Variants in ZNF385D observed in about 807,000 individuals in gnomAD.
ZNF385D encodes zinc finger protein 385D.
A neutral mutation model predicts 35.8 loss-of-function variants in ZNF385D; 15 were observed. The observed-to-expected ratio is 0.42, with a 90% CI of 0.28 to 0.64. The LOEUF is 0.64. ZNF385D is among the 30% of genes least tolerant of loss of function. ZNF385D has a pLI of 0.23. For synonymous variants in ZNF385D, 212 were observed against 186.8 expected (o/e 1.13, Z -1.10); for missense variants, 474 against 494.6 (o/e 0.96, Z 0.39).
intron 3 of ZNF385D, chr3:21,542,870 C>T (rs2062225531): frequency 6.6e-6 from 1 of 152,304 alleles, no homozygotes; most frequent in African/African-American, 2.4e-5. Context: ...CTGCTTTATT[C>T]ACCCTTTAAA....
At chr3:22,326,398 G>C (rs1042250691) in intron 2 of ZNF385D, among the ~76,000 whole-genome samples, 1 of 152,186 alleles carries the variant, frequency 6.6e-6, no homozygotes, top group African/African-American at 2.4e-5. Context: ...TGGGGTGGGA[G>C]TGTGAGCCAG....
intron 3 of ZNF385D, among the ~76,000 whole-genome samples, chr3:21,905,216 A>AAAAC (rs1451297105): frequency 1.3e-5 from 2 of 149,452 alleles, no homozygotes; most frequent in Non-Finnish European, 3.0e-5. Context: ...AAAAAAAAAA[A>AAAAC]AAAAAAAAAA....
rs570902224 is a variant in ZNF385D at position 21,760,451 on chromosome 3, A to G, written c.326-95423T>C. On this transcript the variant is annotated intron_variant, in intron 3 of 5. Coordinates refer to the ZNF385D transcript ENST00000494108. ...AAGTATCTTCAAAAGGTAAACAAAGATTCACCTTTGTGGTAGTGAACTTTT... is the reference window on the plus strand; with the variant it reads ...AAGTATCTTCAAAAGGTAAACAAAGGTTCACCTTTGTGGTAGTGAACTTTT... Among the ~76,000 whole-genome samples, 737 of 152,314 alleles carry G rather than the reference A, an allele frequency of 4.8e-3. 7 individuals carry two copies. The highest frequency in any genetic ancestry group is 3.5e-3 in the Non-Finnish European group (239 of 68,024).
intron 3 of ZNF385D, among the ~76,000 whole-genome samples, chr3:21,935,342 T>C (rs552326839): frequency 1.1e-4 from 16 of 152,068 alleles, no homozygotes; most frequent in African/African-American, 3.8e-4. Context: ...CAAAAAACAC[T>C]GTGGTACGTG....
intron 3 of ZNF385D, among the ~76,000 whole-genome samples, chr3:22,139,336 T>C (rs1054347163): frequency 3.3e-5 from 5 of 152,180 alleles, no homozygotes; most frequent in African/African-American, 9.7e-5. Flanking sequence ...TGCGGCAGTA[T>C]TCACAATAGC....
intron 3 of ZNF385D, among the ~76,000 whole-genome samples, chr3:22,076,349 G>C (rs183072856): frequency 6.6e-6 from 1 of 151,786 alleles, no homozygotes; most frequent in Non-Finnish European, 1.5e-5. Flanking sequence ...AGTCTCTCTG[G>C]TTTTCTTTCA....
intron 3 of ZNF385D, among the ~76,000 whole-genome samples, chr3:22,104,070 G>A (rs773442856): frequency 4.0e-5 from 6 of 151,898 alleles, no homozygotes; most frequent in Non-Finnish European, 5.9e-5. Flanking sequence ...AGTGAGGGAC[G>A]TATGTGAGAA....
intron 2 of ZNF385D, among the ~76,000 whole-genome samples, chr3:22,230,746 C>T (rs185355664): frequency 0.014 from 2,160 of 152,160 alleles, 31 homozygotes; most frequent in Non-Finnish European, 0.019. Context: ...TCATAAAATC[C>T]AGAAAAGTTT....
At chr3:21,732,225 T>C (rs1029533634) in intron 1 of ZNF385D, among the ~76,000 whole-genome samples, 3 of 151,832 alleles carry the variant, frequency 2.0e-5, no homozygotes, top group African/African-American at 4.8e-5. Context: ...AATTTTTTTG[T>C]ATTTTTAGTA....
rs138464752 is a variant in ZNF385D at position 21,886,725 on chromosome 3, G to T, written c.326-221697C>A. Among the ~76,000 whole-genome samples the T allele has an allele frequency of 2.0e-5, 3 of 152,234 alleles. No homozygotes were observed. In the East Asian group the frequency reaches 5.8e-4, roughly 29 times the overall value. On this transcript the variant is annotated intron_variant, in intron 3 of 5. Transcript: ENST00000494108. ...TAGCATCTAGTCAACATTTGCCAAA[G>T]AGAATTATAAGCTGATGGGATTTGA...
At chr3:21,889,923 T>C (rs946481386) in intron 3 of ZNF385D, among the ~76,000 whole-genome samples, 20 of 152,096 alleles carry the variant, frequency 1.3e-4, no homozygotes, top group Non-Finnish European at 2.6e-4. Flanking sequence ...AAGTCCAATC[T>C]TCACATAGCA....
At chr3:21,555,399 G>A (rs548657651) in intron 3 of ZNF385D, among the ~76,000 whole-genome samples, 1 of 152,124 alleles carries the variant, frequency 6.6e-6, no homozygotes, top group African/African-American at 2.4e-5. Flanking sequence ...CCTGGTGTGT[G>A]ATGTTCCCTT....
chr3:21,624,385 A>AT (rs1177685545), intron 2 of ZNF385D, among the ~76,000 whole-genome samples: 1 of 151,958 alleles, frequency 6.6e-6, no homozygotes, highest in Non-Finnish European at 1.5e-5. Flanking sequence ...GAAGGAAGTA[A>AT]TTTTTTTCCC....
chr3:21,820,913 A>T (rs2073368098), intron 3 of ZNF385D, among the ~76,000 whole-genome samples: 1 of 151,918 alleles, frequency 6.6e-6, no homozygotes, highest in South Asian at 2.1e-4. Context: ...GATTAAAAAA[A>T]AGAAAACAAA....
At chr3:22,174,578 C>A (rs35844155) in intron 2 of ZNF385D, among the ~76,000 whole-genome samples, 5,687 of 152,158 alleles carry the variant, frequency 0.037, 132 homozygotes, top group Middle Eastern at 0.068. Flanking sequence ...ATCTAGAAGA[C>A]ATTTAGCACA....
chr3:21,756,565 T>C (rs1171653037), intron 3 of ZNF385D, among the ~76,000 whole-genome samples: 1 of 152,140 alleles, frequency 6.6e-6, no homozygotes, highest in Non-Finnish European at 1.5e-5. Context: ...TAAATGATAA[T>C]AAAATCCATG....
rs1224149788 is a variant in ZNF385D, at chr3:21,652,127, A to T, written c.165+12759T>A. Among the ~76,000 whole-genome samples, 3 of 152,230 alleles carry T rather than the reference A, an allele frequency of 2.0e-5. No individual in the cohort carries two copies. In the South Asian group the frequency reaches 6.2e-4, roughly 31 times the overall value. ...TAAAGTAAATTATAATGTCTTTAAT[A>T]GGTAAATTTAAATTGAATTTCAGGA... On this transcript the variant is annotated intron_variant, in intron 2 of 7. Coordinates refer to ENST00000281523, the MANE Select transcript of ZNF385D (RefSeq NM_024697.3).
chr3:21,834,054 C>A (rs1695169557), intron 3 of ZNF385D, among the ~76,000 whole-genome samples: 2 of 151,842 alleles, frequency 1.3e-5, no homozygotes, highest in South Asian at 4.1e-4. Flanking sequence ...ATATATGTGA[C>A]CTTTGATAGT....
intron 3 of ZNF385D, among the ~76,000 whole-genome samples, chr3:21,909,683 T>C (rs1165455614): frequency 6.6e-6 from 1 of 151,892 alleles, no homozygotes. Flanking sequence ...TTGGTAGACA[T>C]TACAGAGGAG....
Sources: allele counts gnomAD v4.1 joint callset (sites outside exome capture counted in the v4.1 genomes callset), GRCh38; gene constraint gnomAD v4.1.1; transcripts MANE v1.5; gene names NCBI Gene and HGNC (gene_info 2026-07-23, HGNC 2026-07-21).